The following ATXN2 variants were observed in gnomAD, a reference collection of about 807,000 sequenced individuals.
ATXN2 encodes the protein ataxin-2.
A neutral mutation model predicts 138.6 loss-of-function variants in ATXN2; 37 were observed. That is an observed-to-expected ratio of 0.27 (90% CI 0.21 to 0.35). The LOEUF (loss-of-function observed/expected upper bound fraction) is 0.35, where lower values mean the gene tolerates loss of function less well. ATXN2 is among the 10% of genes least tolerant of loss of function. ATXN2 has a pLI of 1.00. For missense variants in ATXN2, 1,216 were observed against 1,480.3 expected (o/e 0.82, Z 2.93); for synonymous variants, 549 against 543.7 (o/e 1.01, Z -0.13).
rs1165530531 is a variant in ATXN2 at position 111,516,443 on chromosome 12, A to C, written c.1166-80T>G. Reference sequence around the variant, plus strand: ...GAAAAAAGTAAACAGAAAAAAAGTAAAATGACAAAAATGATTTCTTGTACA... The same window carrying C: ...GAAAAAAGTAAACAGAAAAAAAGTACAATGACAAAAATGATTTCTTGTACA... On this transcript the variant is annotated intron_variant, in intron 9 of 24. Transcript: ENST00000673436. This position sits in a 1 kb window ranked among gnomAD's most constrained non-coding sequence, Gnocchi z 5.0. 4.0e-6 allele frequency: 5 copies of C among 1,265,670 alleles called. No homozygotes were observed. In the East Asian group the frequency reaches 1.3e-4, roughly 33 times the overall value. The allele number at this position is 1,265,670 out of a possible 1,614,324, so 78.4% of individuals were successfully genotyped here.
chr12:111,496,535 C>CT (rs1555232934), intron 14 of ATXN2, among the ~76,000 whole-genome samples: 3 of 151,154 alleles, frequency 2.0e-5, no homozygotes, highest in Non-Finnish European at 4.4e-5. Flanking sequence ...GACTCCATCT[C>CT]AAAAAAACAA....
At chr12:111,563,684 T>C (rs545606741) in intron 1 of ATXN2, among the ~76,000 whole-genome samples, 1 of 152,330 alleles carries the variant, frequency 6.6e-6, no homozygotes, top group East Asian at 1.9e-4. Context: ...ATAATATCTT[T>C]GCAATTTTTC....
intron 14 of ATXN2, among the ~76,000 whole-genome samples, chr12:111,505,533 AGATTT>A (rs1420252341): frequency 6.6e-6 from 1 of 152,246 alleles, no homozygotes; most frequent in Non-Finnish European, 1.5e-5. Context: ...AAATGGGTAA[AGATTT>A]GAACAGACAT....
intron 1 of ATXN2, among the ~76,000 whole-genome samples, chr12:111,596,013 C>T (rs1385566065): frequency 6.6e-6 from 1 of 152,170 alleles, no homozygotes; most frequent in African/African-American, 2.4e-5. Flanking sequence ...GCCTGGCCAA[C>T]ATGGCAAAAT....
rs531352168 is a variant in ATXN2, at chr12:111,595,669, A to G, written c.251+3115T>C. Among the ~76,000 whole-genome samples, 4 of 152,122 alleles carry G rather than the reference A, an allele frequency of 2.6e-5. No homozygotes were observed. In the South Asian group the frequency reaches 8.3e-4, roughly 32 times the overall value. On this transcript the variant is annotated intron_variant, in intron 1 of 24. Transcript: ENST00000673436. ...AAAAAAAAAAAAAATTTACATTTAC[A>G]ATACAACGTTCAGGGGAAAAAAGCT...
intron 12 of ATXN2, 103 bp downstream of exon 12, chr12:111,510,282 T>C: frequency 1.6e-6 from 2 of 1,267,330 alleles, no homozygotes; most frequent in South Asian, 2.9e-5. Flanking sequence ...TAAAAATACT[T>C]GTCTATGAAT....
intron 5 of ATXN2, among the ~76,000 whole-genome samples, chr12:111,549,879 T>C (rs544584721): frequency 5.3e-5 from 8 of 151,994 alleles, no homozygotes; most frequent in South Asian, 2.1e-4. Flanking sequence ...CTGGCCAACA[T>C]AGTGAAACCC....
intron 5 of ATXN2, among the ~76,000 whole-genome samples, chr12:111,544,688 G>T (rs1881708903): frequency 6.6e-6 from 1 of 152,144 alleles, no homozygotes; most frequent in Admixed American, 6.6e-5. Flanking sequence ...GCCCAGGAAT[G>T]AGGCAGGGAA....
intron 1 of ATXN2, among the ~76,000 whole-genome samples, chr12:111,589,298 G>C (rs1884525739): frequency 6.6e-6 from 1 of 151,522 alleles, no homozygotes; most frequent in Admixed American, 6.6e-5. Flanking sequence ...CTGGGTGACA[G>C]GGTAAGATCC....
intron 14 of ATXN2, among the ~76,000 whole-genome samples, chr12:111,491,383 G>A (rs1343512580): frequency 6.6e-6 from 1 of 152,176 alleles, no homozygotes; most frequent in Non-Finnish European, 1.5e-5. Context: ...ATGGTACTGT[G>A]CTGGGCTCAT....
chr12:111,565,303 A>C (rs1741991822), intron 1 of ATXN2, among the ~76,000 whole-genome samples: 1 of 152,202 alleles, frequency 6.6e-6, no homozygotes, highest in Non-Finnish European at 1.5e-5. Context: ...CGAGTCGGGC[A>C]AGTCCATTAG....
At chr12:111,462,124 T>G (rs1330935591) in intron 21 of ATXN2, among the ~76,000 whole-genome samples, 1 of 152,164 alleles carries the variant, frequency 6.6e-6, no homozygotes, top group Non-Finnish European at 1.5e-5. Flanking sequence ...TAATACTGAT[T>G]TATTCATCAG....
chr12:111,575,959 G>A (rs1017820814), intron 1 of ATXN2, among the ~76,000 whole-genome samples: 1 of 152,044 alleles, frequency 6.6e-6, no homozygotes, highest in African/African-American at 2.4e-5. Flanking sequence ...GTGGGCGCCT[G>A]TAATCCCAGC....
At chr12:111,506,575 A>G (rs906615485) in intron 14 of ATXN2, among the ~76,000 whole-genome samples, 1 of 152,084 alleles carries the variant, frequency 6.6e-6, no homozygotes, top group African/African-American at 2.4e-5. Flanking sequence ...AATGCTGAGG[A>G]AAAAATTCAA....
rs771080369 is a variant in ATXN2, at chr12:111,538,687, C to G, written c.572-13371G>C. Among the ~76,000 whole-genome samples, 26 of 150,090 alleles carry G rather than the reference C, an allele frequency of 1.7e-4. 2 individuals are homozygous for G. The highest frequency in any genetic ancestry group is 7.4e-4 in the Admixed American group (11 of 14,956). Reference sequence around the variant, plus strand: ...ATGTTTTTAAAGCAATTTTCTTAAGCTCTAAATTAGCTAACTTAAAATTTG... The same window carrying G: ...ATGTTTTTAAAGCAATTTTCTTAAGGTCTAAATTAGCTAACTTAAAATTTG... On this transcript the variant is annotated intron_variant, in intron 5 of 24. Coordinates refer to ENST00000673436, the MANE Select transcript of ATXN2 (RefSeq NM_001372574.1).
chr12:111,597,699 CCTA>C, intron 1 of ATXN2: 1 of 525,216 alleles, frequency 1.9e-6, no homozygotes, highest in Non-Finnish European at 3.4e-6. Context: ...GCCCCCAGCC[CCTA>C]CTACAACCCC....
intron 14 of ATXN2, among the ~76,000 whole-genome samples, chr12:111,508,297 G>A (rs1879300655): frequency 6.6e-6 from 1 of 151,954 alleles, no homozygotes; most frequent in East Asian, 1.9e-4. Context: ...ACAGGGGGAA[G>A]CAGCTGAGGA....
At position 111,516,285 on chromosome 12, in the gene ATXN2, G is replaced by A; in HGVS notation, c.1244C>T (p.Pro415Leu). 2 of 1,576,940 alleles carry A rather than the reference G, an allele frequency of 1.3e-6. No homozygotes were observed. The highest frequency in any genetic ancestry group is 2.3e-5 in the East Asian group (1 of 44,002). The change falls in exon 10 of 25, where the codon CCA (proline) becomes CTA (leucine). Residue 415 changes from proline to leucine, a missense_variant. Pro to Leu is a moderately conservative substitution (Grantham distance 98, BLOSUM62 -3). Transcript: ENST00000673436. The surrounding 1 kb of genome is among the most constrained non-coding windows in gnomAD (Gnocchi z 5.0). ...SRYQSGPNSL[P>L]PRAATPTRPP... ...CCGTGTAGGGGTGGCTGCCCGAGGTGGAAGAGAGTTGGGACCTGACTGGTA... is the reference window on the plus strand; with the variant it reads ...CCGTGTAGGGGTGGCTGCCCGAGGTAGAAGAGAGTTGGGACCTGACTGGTA...
chr12:111,522,780 G>A (rs1213368006), intron 6 of ATXN2, among the ~76,000 whole-genome samples: 2 of 152,098 alleles, frequency 1.3e-5, no homozygotes, highest in African/African-American at 2.4e-5. Context: ...CAGATGTGGT[G>A]GCGGGCGCTT....
Sources: allele counts gnomAD v4.1 joint callset (sites outside exome capture counted in the v4.1 genomes callset), GRCh38; gene constraint gnomAD v4.1.1; non-coding constraint Gnocchi (gnomAD v3.1); transcripts MANE v1.5; gene names NCBI Gene and HGNC (gene_info 2026-07-23, HGNC 2026-07-21).